Variants in MYO16 observed in about 807,000 individuals in gnomAD.
MYO16 encodes unconventional myosin-XVI.
In MYO16, 94 loss-of-function variants were observed where a neutral mutation model predicts 205.3. That is an observed-to-expected ratio of 0.46 (90% CI 0.39 to 0.54). The LOEUF is 0.54. Ranked by LOEUF, MYO16 falls within the 20% of genes least tolerant of loss-of-function variation. The probability of loss-of-function intolerance (pLI) is 0.00; values close to 1 mark genes in which losing one functional copy is unlikely to be tolerated. For missense variants in MYO16, 2,315 were observed against 2,387.5 expected (o/e 0.97, Z 0.63); for synonymous variants, 988 against 954.0 (o/e 1.04, Z -0.66).
chr13:108,952,158 TAAAA>T (rs1264640031), intron 16 of MYO16, among the ~76,000 whole-genome samples: 3 of 134,826 alleles, frequency 2.2e-5, no homozygotes, highest in Non-Finnish European at 4.9e-5. Context: ...AATAAATAAA[TAAAA>T]CGATATATAG....
chr13:108,856,437 A>G (rs1878175699), intron 11 of MYO16, among the ~76,000 whole-genome samples: 1 of 152,230 alleles, frequency 6.6e-6, no homozygotes, highest in African/African-American at 2.4e-5. Context: ...TGAAAATGCA[A>G]TGTAGCATCT....
At chr13:108,887,696 C>G (rs1163690339) in intron 13 of MYO16, among the ~76,000 whole-genome samples, 4 of 152,156 alleles carry the variant, frequency 2.6e-5, no homozygotes, top group Non-Finnish European at 5.9e-5. Context: ...GAACTGAAAG[C>G]AAGCGGAAAA....
At chr13:108,606,536 C>T (rs542081693) in intron 1 of MYO16, among the ~76,000 whole-genome samples, 146 of 152,282 alleles carry the variant, frequency 9.6e-4, no homozygotes, top group African/African-American at 3.3e-3. Flanking sequence ...TCTGGGTACA[C>T]GGAAGTCAAG....
intron 3 of MYO16, among the ~76,000 whole-genome samples, chr13:108,722,148 G>T (rs1321619011): frequency 1.3e-5 from 2 of 152,124 alleles, no homozygotes; most frequent in Non-Finnish European, 2.9e-5. Flanking sequence ...GTGACAGCAG[G>T]AGCTTGGGGA....
Position 109,019,926 on chromosome 13 carries a change from C to A in MYO16, c.2796+15C>A, listed in dbSNP as rs777596765. 12 of 1,612,170 alleles carry A rather than the reference C, an allele frequency of 7.4e-6. No individual in the cohort carries two copies. The highest frequency in any genetic ancestry group is 6.8e-6 in the Non-Finnish European group (8 of 1,179,152). On this transcript the variant is annotated intron_variant, in intron 23 of 34. Transcript: ENST00000457511. ...ACGCAGGAAGGGTAAGTGGCCAGAACTGCATAATTTTTCATGTGCACTAAT... is the reference window on the plus strand; with the variant it reads ...ACGCAGGAAGGGTAAGTGGCCAGAAATGCATAATTTTTCATGTGCACTAAT...
At chr13:108,752,095 T>C (rs1201729223) in intron 4 of MYO16, among the ~76,000 whole-genome samples, 1 of 152,200 alleles carries the variant, frequency 6.6e-6, no homozygotes, top group Non-Finnish European at 1.5e-5. Context: ...GTATGAGGTA[T>C]ATAGGAATGC....
chr13:108,525,883 CT>C, the MYO16 span, among the ~76,000 whole-genome samples: 3 of 150,800 alleles, frequency 2.0e-5, no homozygotes, highest in Non-Finnish European at 2.9e-5. Flanking sequence ...GCAAATGATC[CT>C]TTTTTTTCTT....
At chr13:108,811,488 G>A (rs970109449) in intron 7 of MYO16, among the ~76,000 whole-genome samples, 1 of 150,336 alleles carries the variant, frequency 6.7e-6, no homozygotes, top group African/African-American at 2.4e-5. Flanking sequence ...CCCAAATTCT[G>A]CATCTGTGTA....
the MYO16 span, among the ~76,000 whole-genome samples, chr13:108,505,649 C>CT: frequency 6.6e-6 from 1 of 152,028 alleles, no homozygotes; most frequent in East Asian, 1.9e-4. Flanking sequence ...TGATCATCTC[C>CT]TTTGCTGCAC....
At position 109,140,218 on chromosome 13, in the gene MYO16, G is replaced by A. The variant is rs1594118232; in HGVS notation, c.4052-46G>A. The A allele has an allele frequency of 1.9e-6, 3 of 1,586,920 alleles. No individual in the cohort carries two copies. The highest frequency in any genetic ancestry group is 2.3e-5 in the East Asian group (1 of 43,806). On this transcript the variant is annotated intron_variant, in intron 31 of 34. Transcript: ENST00000457511. This position sits in a 1 kb window ranked among gnomAD's most constrained non-coding sequence, Gnocchi z 8.0. ...CGAGCCCCGGGCTTGGTGGGCACCCGTGGGCCTGGCCTGGCACCCACTGAC... is the reference window on the plus strand; with the variant it reads ...CGAGCCCCGGGCTTGGTGGGCACCCATGGGCCTGGCCTGGCACCCACTGAC...
the MYO16 span, among the ~76,000 whole-genome samples, chr13:108,538,083 G>C: frequency 6.6e-6 from 1 of 152,016 alleles, no homozygotes; most frequent in Non-Finnish European, 1.5e-5. Context: ...GTTCTTTGCT[G>C]AGGCCAATGT....
chr13:108,992,940 C>T (rs1884885534), intron 21 of MYO16, among the ~76,000 whole-genome samples: 1 of 152,054 alleles, frequency 6.6e-6, no homozygotes, highest in Non-Finnish European at 1.5e-5. Context: ...TAATTTGGGG[C>T]ATTTTAAAAG....
At chr13:108,552,720 C>T in the MYO16 span, among the ~76,000 whole-genome samples, 2 of 152,172 alleles carry the variant, frequency 1.3e-5, no homozygotes, top group African/African-American at 4.8e-5. Context: ...TTATATCTGT[C>T]TCAGTCTGTT....
At chr13:108,941,224 G>A (rs538305934) in intron 16 of MYO16, among the ~76,000 whole-genome samples, 4 of 152,106 alleles carry the variant, frequency 2.6e-5, no homozygotes, top group Non-Finnish European at 5.9e-5. Context: ...ATCTGAAAGA[G>A]CATGAATCCA....
chr13:109,194,053 A>G (rs189640182), intron 34 of MYO16, among the ~76,000 whole-genome samples: 5 of 152,150 alleles, frequency 3.3e-5, no homozygotes, highest in African/African-American at 1.2e-4. Flanking sequence ...ATAAGTTATT[A>G]ATCAATTAAT....
intron 16 of MYO16, among the ~76,000 whole-genome samples, chr13:108,957,442 A>G (rs2139357018): frequency 6.6e-6 from 1 of 151,974 alleles, no homozygotes; most frequent in South Asian, 2.1e-4. Flanking sequence ...TGTCACAAGG[A>G]AAGGTGCAGC....
chr13:108,869,939 G>A (rs1461630855), intron 12 of MYO16, among the ~76,000 whole-genome samples: 1 of 150,276 alleles, frequency 6.7e-6, no homozygotes, highest in East Asian at 1.9e-4. Context: ...TTATTGGATT[G>A]GATCACCAGA....
intron 4 of MYO16, among the ~76,000 whole-genome samples, chr13:108,733,974 AAAAT>A (rs765065433): frequency 1.3e-5 from 2 of 152,240 alleles, no homozygotes; most frequent in Non-Finnish European, 2.9e-5. Flanking sequence ...GTCTCAAAAA[AAAAT>A]AAATAAATAA....
intron 23 of MYO16, among the ~76,000 whole-genome samples, chr13:109,038,513 G>A (rs777192567): frequency 2.0e-5 from 3 of 152,164 alleles, no homozygotes; most frequent in Non-Finnish European, 4.4e-5. Context: ...TCAGGCTTTC[G>A]AACTACCTTG....
Sources: allele counts gnomAD v4.1 joint callset (sites outside exome capture counted in the v4.1 genomes callset), GRCh38; gene constraint gnomAD v4.1.1; non-coding constraint Gnocchi (gnomAD v3.1); transcripts MANE v1.5; gene names NCBI Gene and HGNC (gene_info 2026-07-23, HGNC 2026-07-21).